The following GATA4 variants were observed in gnomAD, a reference collection of about 807,000 sequenced individuals.
GATA4 encodes transcription factor GATA-4.
A neutral mutation model predicts 37.9 loss-of-function variants in GATA4; 7 were observed. The observed-to-expected ratio is 0.18, with a 90% CI of 0.11 to 0.35. GATA4 has a LOEUF of 0.35. Among genes scored for constraint, GATA4 ranks in the 10% least tolerant of loss-of-function variants. The pLI, the probability that GATA4 is intolerant of heterozygous loss-of-function variation, is 1.00. For synonymous variants in GATA4, 372 were observed against 292.6 expected (o/e 1.27, Z -2.77); for missense variants, 647 against 653.0 (o/e 0.99, Z 0.10).
chr8:11,724,687 A>G (rs1352654217), intron 2 of GATA4, among the ~76,000 whole-genome samples: 1 of 152,040 alleles, frequency 6.6e-6, no homozygotes, highest in Non-Finnish European at 1.5e-5. Flanking sequence ...AGGCATGAAT[A>G]AATAAGTGCC....
At chr8:11,701,025 G>T (rs1451262528), upstream of GATA4, among the ~76,000 whole-genome samples, 4 of 152,112 alleles carry the variant, frequency 2.6e-5, no homozygotes, top group Non-Finnish European at 4.4e-5. Context: ...ATTTTTGGGG[G>T]GAACCAGTGT....
chr8:11,691,006 G>A (rs568989273), upstream of GATA4, among the ~76,000 whole-genome samples: 3 of 152,326 alleles, frequency 2.0e-5, no homozygotes, highest in African/African-American at 7.2e-5. Context: ...TATAAGCGGG[G>A]CAAGTTACTT....
intron 2 of GATA4, among the ~76,000 whole-genome samples, chr8:11,725,583 G>A (rs551422048): frequency 5.3e-5 from 8 of 152,202 alleles, no homozygotes; most frequent in African/African-American, 9.6e-5. Flanking sequence ...GTTTTACTGC[G>A]CAGGCTGGGG....
chr8:11,731,706 C>T (rs1801220852), intron 2 of GATA4, among the ~76,000 whole-genome samples: 2 of 152,196 alleles, frequency 1.3e-5, no homozygotes, highest in Admixed American at 6.5e-5. Context: ...GAACTGTACA[C>T]TTAAAAATGG....
chr8:11,700,272 A>G (rs536823639), upstream of GATA4, among the ~76,000 whole-genome samples: 1 of 152,376 alleles, frequency 6.6e-6, no homozygotes, highest in East Asian at 1.9e-4. Flanking sequence ...GAGAAGATGT[A>G]TTCGCTTTGC....
At chr8:11,733,418 A>T (rs1218031473) in intron 2 of GATA4, among the ~76,000 whole-genome samples, 1 of 152,260 alleles carries the variant, frequency 6.6e-6, no homozygotes, top group Non-Finnish European at 1.5e-5. Context: ...ACACACTGGC[A>T]CGGAAGCTAA....
chr8:11,697,594 C>A, intron 1 of GATA4: 2 of 985,442 alleles, frequency 2.0e-6, no homozygotes, highest in Non-Finnish European at 2.4e-6. Context: ...GGGTCCTCGC[C>A]TGCGCCGAGG....
intron 1 of GATA4, among the ~76,000 whole-genome samples, chr8:11,694,167 C>T (rs1451805091): frequency 6.6e-6 from 1 of 152,154 alleles, no homozygotes. Context: ...TTGTGTTCAT[C>T]CTTGTATCTA....
At chr8:11,693,594 G>GAGAGAA (rs1799409527) in intron 1 of GATA4, among the ~76,000 whole-genome samples, 1 of 145,158 alleles carries the variant, frequency 6.9e-6, no homozygotes, top group African/African-American at 2.5e-5. Flanking sequence ...GAGAGAGAGA[G>GAGAGAA]ACAGAGGATT....
In GATA4 at chr8:11,709,458, C is replaced by G. The variant is rs1336860385; in HGVS notation, c.616+530C>G. On this transcript the variant is annotated intron_variant, in intron 2 of 6. Transcript: ENST00000532059. The surrounding 1 kb of genome is among the most constrained non-coding windows in gnomAD (Gnocchi z 4.3). The stretch of plus-strand genomic sequence containing the variant: ...AGCTGATGATTTTCCCGTCGGGGGT[C>G]TCACACCGAGAACAAAGGAGGGATG... Among the ~76,000 whole-genome samples, 2 of 152,006 alleles carry G rather than the reference C, an allele frequency of 1.3e-5. No individual in the cohort carries two copies. Among genetic ancestry groups the G allele is most frequent in the African/African-American group, 4.8e-5 (2 of 41,372 alleles).
rs1263631375 is a variant in GATA4 at position 11,708,789 on chromosome 8, C to T, written c.477C>T (p.Ser159=). Reference sequence around the variant, plus strand: ...GCGCCGGCTTCGCGGGCTCCTACTCCAGCCCCTACCCGGCTTACATGGCCG... The same window carrying T: ...GCGCCGGCTTCGCGGGCTCCTACTCTAGCCCCTACCCGGCTTACATGGCCG... The part of the protein sequence containing the change: ...YGRAGFAGSY[S]SPYPAYMADV... The change falls in exon 2 of 7, where the codon TCC becomes TCT. Residue 159 remains serine (S), a synonymous_variant. Transcript: ENST00000532059. The surrounding 1 kb of genome is among the most constrained non-coding windows in gnomAD (Gnocchi z 6.7). 12 of 1,470,010 alleles carry T rather than the reference C, an allele frequency of 8.2e-6. No homozygotes were observed. In the South Asian group the frequency reaches 1.3e-4, roughly 16 times the overall value. 91.1% of individuals were successfully genotyped at this position (1,470,010 alleles called of 1,614,324 possible). A position where few individuals can be genotyped will look rare whatever the true frequency, so the allele number is the denominator to read the frequency against.
Position 11,704,270 on chromosome 8 carries a change from C to T in GATA4, c.-492C>T, listed in dbSNP as rs1799792467. On this transcript the variant is annotated 5_prime_UTR_variant, in exon 1 of 7. Transcript: ENST00000532059. ...TCGCCGCTGCAGCTCCGGGGGCTCC[C>T]AGGGGAGCGTGCGCGGAACCTCCAG... 6.6e-6 allele frequency: 1 copy of T among 152,240 alleles called. No individual in the cohort carries two copies. Among genetic ancestry groups the T allele is most frequent in the Admixed American group, 6.5e-5 (1 of 15,288 alleles). 9.4% of individuals were successfully genotyped at this position (152,240 alleles called of 1,614,324 possible).
At chr8:11,758,243 G>A (rs1308391731) in intron 6 of GATA4, 50 bp from the exon 7 acceptor site, 2 of 1,602,032 alleles carry the variant, frequency 1.2e-6, no homozygotes, top group Non-Finnish European at 1.7e-6. Context: ...GACCTCCCAA[G>A]CCCTCAGGAG....
At chr8:11,750,083 C>A (rs1458846830) in intron 3 of GATA4, 28 bp from the exon 4 acceptor site, 1 of 1,613,834 alleles carries the variant, frequency 6.2e-7, no homozygotes, top group African/African-American at 1.3e-5. Context: ...TTTACTTGGA[C>A]ATGAAGCATT....
chr8:11,687,708 C>T (rs1183387851), upstream of GATA4, among the ~76,000 whole-genome samples: 1 of 152,176 alleles, frequency 6.6e-6, no homozygotes, highest in Non-Finnish European at 1.5e-5. Context: ...CCAAGTGCTG[C>T]CTCCCTCACC....
chr8:11,751,078 AC>A (rs1802281092), intron 4 of GATA4, among the ~76,000 whole-genome samples: 1 of 152,190 alleles, frequency 6.6e-6, no homozygotes, highest in South Asian at 2.1e-4. Flanking sequence ...AGATTTTAAA[AC>A]TTTTTAGCCA....
chr8:11,757,278 C>T (rs1172882631), intron 6 of GATA4, among the ~76,000 whole-genome samples, 195 bp downstream of exon 6: 2 of 152,250 alleles, frequency 1.3e-5, no homozygotes, highest in East Asian at 3.8e-4. Flanking sequence ...GGGGCATCTG[C>T]ATCGGGCTGT....
rs1303092465 is a variant in GATA4 at position 11,749,860 on chromosome 8, G to C, written c.787-251G>C. Among the ~76,000 whole-genome samples, 1 of 152,208 alleles carries C rather than the reference G, an allele frequency of 6.6e-6. No homozygotes were observed. The highest frequency in any genetic ancestry group is 1.5e-5 in the Non-Finnish European group (1 of 68,040). Reference sequence around the variant, plus strand: ...TCGCCTGACGGTGAATGATGGTTAGGACTGGAAACCAGGTCTCGATGCCCA... The same window carrying C: ...TCGCCTGACGGTGAATGATGGTTAGCACTGGAAACCAGGTCTCGATGCCCA... On this transcript the variant is annotated intron_variant, in intron 3 of 6. Transcript: ENST00000532059. This position sits in a 1 kb window ranked among gnomAD's most constrained non-coding sequence, Gnocchi z 4.6.
At chr8:11,697,865 C>T (rs1799551700) in intron 1 of GATA4, 1 of 985,330 alleles carries the variant, frequency 1.0e-6, no homozygotes, top group South Asian at 4.7e-5. Context: ...GCGGCCTTTG[C>T]GGAAACGGGC....
Sources: gnomAD v4.1 joint callset for allele counts (sites outside exome capture counted in the v4.1 genomes callset) on GRCh38, gnomAD v4.1.1 for gene constraint, Gnocchi (gnomAD v3.1) non-coding constraint, MANE v1.5 for transcripts, NCBI Gene and HGNC (gene_info 2026-07-23, HGNC 2026-07-21) for gene names.